TRIO: variants seen among roughly 807,000 people sequenced by gnomAD.
TRIO encodes the protein trio Rho guanine nucleotide exchange factor, also known as triple functional domain protein.
A neutral mutation model predicts 351.9 loss-of-function variants in TRIO; 58 were observed. The observed-to-expected ratio is 0.16, with a 90% confidence interval of 0.13 to 0.21. The LOEUF (loss-of-function observed/expected upper bound fraction) is 0.21, where lower values mean the gene tolerates loss of function less well. TRIO is among the 10% of genes least tolerant of loss of function. The probability of loss-of-function intolerance (pLI) is 1.00; values close to 1 mark genes in which losing one functional copy is unlikely to be tolerated. For missense variants in TRIO, 3,201 were observed against 4,027.8 expected (o/e 0.79, Z 5.56); for synonymous variants, 1,758 against 1,595.7 (o/e 1.10, Z -2.42).
chr5:14,157,818 G>A (rs921280509), intron 1 of TRIO, among the ~76,000 whole-genome samples: 5 of 152,030 alleles, frequency 3.3e-5, no homozygotes, highest in African/African-American at 4.8e-5. Context: ...GAACTCCTGG[G>A]CTCAAGCGAT....
chr5:14,466,581 C>A (rs981761408), intron 37 of TRIO: 7 of 152,176 alleles, frequency 4.6e-5, no homozygotes, highest in African/African-American at 1.7e-4. Context: ...CCAATGGTAA[C>A]AACTTTTTAG....
intron 3 of TRIO, among the ~76,000 whole-genome samples, chr5:14,283,705 C>T (rs1240379960): frequency 6.6e-6 from 1 of 151,974 alleles, no homozygotes; most frequent in Non-Finnish European, 1.5e-5. Flanking sequence ...GTGACCTGAG[C>T]AGCTGTGAGT....
chr5:14,508,112 A>G lies in TRIO; in HGVS notation c.8984A>G (p.Asp2995Gly). The change falls in exon 57 of 57, where the codon GAC (aspartate) becomes GGC (glycine). Residue 2995 changes from aspartate (D) to glycine (G), a missense_variant. This residue lies in a region of TRIO where 233 missense variants were observed against 292.6 expected (regional missense o/e 0.80). Coordinates refer to ENST00000344204, the MANE Select transcript of TRIO (RefSeq NM_007118.4). ...LLSGVSPFLD[D>G]SVEETCLNIC... is the part of the protein sequence containing the mutation. The stretch of plus-strand genomic sequence containing the variant: ...AGTGGCGTGTCCCCCTTCCTGGATG[A>G]CAGTGTGGAAGAGACCTGCCTGAAC... The G allele has an allele frequency of 6.2e-7, 1 of 1,614,154 alleles. No homozygotes were observed. Among genetic ancestry groups the G allele is most frequent in the South Asian group, 1.1e-5 (1 of 91,082 alleles).
intron 2 of TRIO, 51 bp from the exon 3 acceptor site, chr5:14,280,271 G>T (rs374488812): frequency 5.3e-5 from 82 of 1,538,612 alleles, no homozygotes; most frequent in Non-Finnish European, 7.3e-5. Flanking sequence ...GATAACATAG[G>T]ATTTCTGTCT....
intron 34 of TRIO, among the ~76,000 whole-genome samples, chr5:14,427,341 C>A (rs1042344357): frequency 6.6e-6 from 1 of 152,164 alleles, no homozygotes; most frequent in Non-Finnish European, 1.5e-5. Context: ...CCTTCACCCC[C>A]CATGGCACAG....
intron 34 of TRIO, among the ~76,000 whole-genome samples, chr5:14,432,089 A>G (rs1751202374): frequency 6.6e-6 from 1 of 152,216 alleles, no homozygotes; most frequent in Non-Finnish European, 1.5e-5. Context: ...GCCTTAAGAA[A>G]TTAACAGTAG....
At chr5:14,151,452 C>T (rs1787829762) in intron 1 of TRIO, among the ~76,000 whole-genome samples, 1 of 151,568 alleles carries the variant, frequency 6.6e-6, no homozygotes, top group Non-Finnish European at 1.5e-5. Context: ...CATAAAATAC[C>T]CCTCTTTGGA....
At chr5:14,272,364 G>C (rs1796025122) in intron 2 of TRIO, among the ~76,000 whole-genome samples, 1 of 152,148 alleles carries the variant, frequency 6.6e-6, no homozygotes, top group Non-Finnish European at 1.5e-5. Flanking sequence ...TCTTTCATTA[G>C]TACGTGGAGA....
chr5:14,409,788 T>A (rs1691132738), intron 33 of TRIO, among the ~76,000 whole-genome samples: 2 of 136,512 alleles, frequency 1.5e-5, no homozygotes, highest in South Asian at 4.5e-4. Context: ...TGAGCCAAGA[T>A]CAGGCCACTG....
intron 9 of TRIO, among the ~76,000 whole-genome samples, chr5:14,323,673 G>A (rs1740104794): frequency 6.6e-6 from 1 of 152,218 alleles, no homozygotes; most frequent in African/African-American, 2.4e-5. Flanking sequence ...TGCGGTCTGG[G>A]GTCTCCCTGA....
chr5:14,303,941 A>G (rs1211581613), intron 7 of TRIO, among the ~76,000 whole-genome samples: 1 of 152,034 alleles, frequency 6.6e-6, no homozygotes, highest in African/African-American at 2.4e-5. Context: ...GCTCTTCCTT[A>G]TTTCACATAA....
intron 1 of TRIO, among the ~76,000 whole-genome samples, chr5:14,229,262 C>T (rs1199261408): frequency 1.3e-5 from 2 of 152,228 alleles, no homozygotes; most frequent in Admixed American, 6.5e-5. Context: ...ACTTTAGTCT[C>T]TATCTCAGCT....
chr5:14,498,357 G>C (rs1036211702), intron 52 of TRIO, 106 bp downstream of exon 52: 47 of 1,525,288 alleles, frequency 3.1e-5, no homozygotes, highest in Non-Finnish European at 4.1e-5. Flanking sequence ...GGCTGCCTTC[G>C]GCACTCCACT....
chr5:14,382,934 T>C (rs1746239826), intron 21 of TRIO, among the ~76,000 whole-genome samples: 1 of 151,980 alleles, frequency 6.6e-6, no homozygotes, highest in Admixed American at 6.6e-5. Context: ...ATATGATCCG[T>C]ATTTAGGGGT....
At chr5:14,298,107 A>G (rs1268754833) in intron 7 of TRIO, among the ~76,000 whole-genome samples, 1 of 152,134 alleles carries the variant, frequency 6.6e-6, no homozygotes, top group Non-Finnish European at 1.5e-5. Flanking sequence ...TACACAGTTG[A>G]CAGTGTCTTT....
Position 14,387,637 on chromosome 5 carries a change from A to G in TRIO, c.3765+5A>G, listed in dbSNP as rs148594947. Reference sequence around the variant, plus strand: ...TCTTCAGATTCCAACAAATCGGTAAATGGCCTTGTGCAAACTGAATAAATT... The same window carrying G: ...TCTTCAGATTCCAACAAATCGGTAAGTGGCCTTGTGCAAACTGAATAAATT... On this transcript the variant is annotated splice_donor_5th_base_variant and intron_variant, in intron 22 of 56. Transcript: ENST00000344204. 4 of 1,610,030 alleles carry G rather than the reference A, an allele frequency of 2.5e-6. No homozygotes were observed. In the African/African-American group the frequency reaches 4.0e-5, roughly 16 times the overall value.
intron 21 of TRIO, among the ~76,000 whole-genome samples, chr5:14,384,635 C>A (rs2152357910): frequency 6.6e-6 from 1 of 150,744 alleles, no homozygotes. Flanking sequence ...GAGATAAATA[C>A]CAGAAGAAGA....
chr5:14,167,728 G>A (rs1476017436), intron 1 of TRIO, among the ~76,000 whole-genome samples: 1 of 152,090 alleles, frequency 6.6e-6, no homozygotes, highest in East Asian at 1.9e-4. Flanking sequence ...CTGGGCAAGG[G>A]CCTCTAAGGA....
At chr5:14,298,571 A>G (rs1007273808) in intron 7 of TRIO, among the ~76,000 whole-genome samples, 2 of 152,324 alleles carry the variant, frequency 1.3e-5, no homozygotes, top group Middle Eastern at 3.4e-3. Context: ...TGAAGAGTGA[A>G]GAAGTCAGTA....
Sources: allele counts gnomAD v4.1 joint callset (sites outside exome capture counted in the v4.1 genomes callset), GRCh38; gene constraint gnomAD v4.1.1; regional missense constraint gnomAD v4.1.1; transcripts MANE v1.5; gene names NCBI Gene and HGNC (gene_info 2026-07-23, HGNC 2026-07-21).